LIX1L: variants seen among roughly 807,000 people sequenced by gnomAD.
The protein encoded by LIX1L is LIX1-like protein.
In LIX1L, 20 loss-of-function variants were observed where a neutral mutation model predicts 34.0. The observed-to-expected ratio is 0.59, with a 90% CI of 0.41 to 0.85. The LOEUF (loss-of-function observed/expected upper bound fraction) is 0.85, where lower values mean the gene tolerates loss of function less well. LIX1L is among the 40% of genes least tolerant of loss of function. The probability of loss-of-function intolerance (pLI) is 0.00; values close to 1 mark genes in which losing one functional copy is unlikely to be tolerated. For synonymous variants in LIX1L, 170 were observed against 187.4 expected (o/e 0.91, Z 0.76); for missense variants, 397 against 447.0 (o/e 0.89, Z 1.01).
rs782557773 is a variant in LIX1L, at chr1:145,955,388, T to G, written c.292+2248A>C. On this transcript the variant is annotated intron_variant, in intron 1 of 5. Transcript: ENST00000604000. Reference sequence around the variant, plus strand: ...CATGAGTGAAGGTAGATCTAAAGACTGATTGGAAAAGGTGGATTTGGAGCA... The same window carrying G: ...CATGAGTGAAGGTAGATCTAAAGACGGATTGGAAAAGGTGGATTTGGAGCA... Among the ~76,000 whole-genome samples, 92 of 152,272 alleles carry G rather than the reference T, an allele frequency of 6.0e-4. No individual in the cohort carries two copies. In the Middle Eastern group the frequency reaches 0.01, roughly 17 times the overall value.
intron 3 of LIX1L, among the ~76,000 whole-genome samples, chr1:145,941,493 T>C: frequency 6.6e-6 from 1 of 152,274 alleles, no homozygotes; most frequent in Middle Eastern, 3.4e-3. Context: ...CCTCAGATGA[T>C]CCGCCTGCCT....
chr1:145,950,221 T>C (rs1415736749), intron 1 of LIX1L: 3 of 152,216 alleles, frequency 2.0e-5, no homozygotes, highest in African/African-American at 4.8e-5. Context: ...CAAGATGGGA[T>C]AGACAATTGC....
At chr1:145,939,444 T>G (rs1428463563) in intron 3 of LIX1L, among the ~76,000 whole-genome samples, 1 of 151,776 alleles carries the variant, frequency 6.6e-6, no homozygotes, top group Non-Finnish European at 1.5e-5. Context: ...TAGCTGGGAC[T>G]ACAGGTGTGC....
rs1170753023 is a variant in LIX1L at position 145,936,204 on chromosome 1, T to G, written c.*106A>C. 4.7e-6 allele frequency: 6 copies of G among 1,280,088 alleles called. No individual in the cohort carries two copies. Among genetic ancestry groups the G allele is most frequent in the Non-Finnish European group, 4.2e-6 (4 of 944,740 alleles). 79.3% of individuals were successfully genotyped at this position (1,280,088 alleles called of 1,614,324 possible). On this transcript the variant is annotated 3_prime_UTR_variant, in exon 6 of 6. Transcript: ENST00000604000. ...TAGAATTTATACACATATATATTTT[T>G]TAAAGTATAAAAATGAGAAAGTATG...
chr1:145,937,414 C>T (rs1648701601), intron 4 of LIX1L, 190 bp downstream of exon 4: 2 of 448,028 alleles, frequency 4.5e-6, no homozygotes, highest in Non-Finnish European at 8.1e-6. Flanking sequence ...CCGCCTCAGC[C>T]TCCCAAAGTG....
chr1:145,947,570 A>G, intron 2 of LIX1L, 49 bp downstream of exon 2: 1 of 1,587,026 alleles, frequency 6.3e-7, no homozygotes, highest in Non-Finnish European at 8.6e-7. Flanking sequence ...GAAAGCCGTT[A>G]CTAACATCTA....
chr1:145,957,261 G>C (rs1388770695), intron 1 of LIX1L, among the ~76,000 whole-genome samples: 1 of 152,178 alleles, frequency 6.6e-6, no homozygotes, highest in Non-Finnish European at 1.5e-5. Flanking sequence ...AGAGGGTATG[G>C]ATGAGAAATT....
Position 145,952,615 on chromosome 1 carries a change from C to CT in LIX1L, c.293-4834dup, listed in dbSNP as rs58644653. ...TGATCATTTTCAGCCAAAATAAAAA[C>CT]TTTTTTTTTTTTTTGAGACAAAGTC... is the stretch of plus-strand genomic sequence containing the variant. On this transcript the variant is annotated intron_variant, in intron 1 of 5. Transcript: ENST00000604000. Among the ~76,000 whole-genome samples, 711 of 145,246 alleles carry CT rather than the reference C, an allele frequency of 4.9e-3. 1 individual carries two copies. The highest frequency in any genetic ancestry group is 6.8e-3 in the Non-Finnish European group (446 of 65,358).
In LIX1L at chr1:145,936,265, T is replaced by TA. The variant is rs782285183; in HGVS notation, c.*44dup. On this transcript the variant is annotated 3_prime_UTR_variant, in exon 6 of 6. Transcript: ENST00000604000. ...CATCCTAAATCTTAGAAAGGAGACA[T>TA]AAAAAAAGGCTGTGGAAAGCCTGGG... The TA allele has an allele frequency of 1.9e-5, 31 of 1,590,610 alleles. No homozygotes were observed. Among genetic ancestry groups the TA allele is most frequent in the Admixed American group, 1.9e-4 (11 of 56,450 alleles).
At position 145,936,427 on chromosome 1, in the gene LIX1L, C is replaced by T; in HGVS notation, c.897G>A (p.Glu299=). The T allele has an allele frequency of 6.2e-7, 1 of 1,614,210 alleles. No individual in the cohort carries two copies. The highest frequency in any genetic ancestry group is 8.5e-7 in the Non-Finnish European group (1 of 1,180,052). Residue 299 remains glutamate (E), a synonymous_variant, in exon 6 of 6, where the codon GAG becomes GAA. Coordinates refer to ENST00000604000, the MANE Select transcript of LIX1L (RefSeq NM_153713.3). ...CCAGTCGGGCTTCATCCAGCTCCCG[C>T]TCAGTAGAGGCCAGCTCTCTAGACA... ...GALSRELAST[E]RELDEARLAG...
chr1:145,936,787 G>C lies in LIX1L; in HGVS notation c.771+121C>G, dbSNP rs73006821. ...GGAATGAAGAGGGTACTTAGGTAAG[G>C]CTTTCAATATTCACAACCATAGGTC... On this transcript the variant is annotated intron_variant, in intron 5 of 5. Coordinates refer to ENST00000604000, the MANE Select transcript of LIX1L (RefSeq NM_153713.3). 1,036 of 834,386 alleles carry C rather than the reference G, an allele frequency of 1.2e-3. 7 individuals are homozygous for C. The African/African-American group carries it at 0.015, about 12-fold the overall frequency. 51.7% of individuals were successfully genotyped at this position (834,386 alleles called of 1,614,324 possible).
At position 145,957,816 on chromosome 1, in the gene LIX1L, G is replaced by T; in HGVS notation, c.112C>A (p.Pro38Thr). The change falls in exon 1 of 6, where the codon CCC (proline) becomes ACC (threonine). Residue 38 changes from proline to threonine, a missense_variant. Physicochemically the swap from Pro to Thr is conservative, Grantham distance 38. Around this residue, in one of 3 missense-constraint regions of LIX1L, gnomAD observed 207 missense variants for 205.2 expected, o/e 1.01. Transcript: ENST00000604000. ...VTGAAAATATPPAGPPPAPPP... is the reference protein window; with the variant it reads ...VTGAAAATATTPAGPPPAPPP... ...GGGGCAGGCGGGGGGCCCGCAGGGG[G>T]TGTGGCGGTGGCGGCCGCGGCCCCA... 2 of 1,391,998 alleles carry T rather than the reference G, an allele frequency of 1.4e-6. No homozygotes were observed. The highest frequency in any genetic ancestry group is 1.9e-6 in the Non-Finnish European group (2 of 1,074,926). The allele number at this position is 1,391,998 out of a possible 1,614,324, so 86.2% of individuals were successfully genotyped here.
chr1:145,937,712 G>A lies in LIX1L; in HGVS notation c.598-13C>T, dbSNP rs1570959839. ...CCTCCCTGTTGCCCTGGTAGTAGAG[G>A]AACAGAAAAGACAAATAGATTTTCA... On this transcript the variant is annotated splice_polypyrimidine_tract_variant and intron_variant, in intron 3 of 5. Transcript: ENST00000604000. The A allele has an allele frequency of 2.7e-6, 4 of 1,475,864 alleles. No individual in the cohort carries two copies. The highest frequency in any genetic ancestry group is 3.8e-6 in the Non-Finnish European group (4 of 1,054,178). The allele number at this position is 1,475,864 out of a possible 1,614,324, so 91.4% of individuals were successfully genotyped here.
rs1648673904 is a variant in LIX1L, at chr1:145,937,003, G to A, written c.694-18C>T. 3.2e-6 allele frequency: 5 copies of A among 1,549,546 alleles called. No individual in the cohort carries two copies. Among genetic ancestry groups the A allele is most frequent in the Non-Finnish European group, 4.5e-6 (5 of 1,121,130 alleles). On this transcript the variant is annotated intron_variant, in intron 4 of 5. Transcript: ENST00000604000. ...ATTAGCTCCTGGGGGAAGAGGATAG[G>A]AAGTACCAGGACAGTGATTTTTATA... is the stretch of plus-strand genomic sequence containing the variant.
Position 145,957,794 on chromosome 1 carries a change from G to A in LIX1L, c.134C>T (p.Ala45Val). The A allele has an allele frequency of 7.4e-7, 1 of 1,344,594 alleles. No individual in the cohort carries two copies. The highest frequency in any genetic ancestry group is 1.9e-5 in the South Asian group (1 of 51,858). The allele number at this position is 1,344,594 out of a possible 1,614,324, so 83.3% of individuals were successfully genotyped here. ...CGGGGGCGGTGCGGGAGGCGGCGGG[G>A]CAGGCGGGGGGCCCGCAGGGGGTGT... ...TATPPAGPPP[A>V]PPPPAPPPPP... The change falls in exon 1 of 6, where the codon GCC (alanine) becomes GTC (valine). Residue 45 changes from alanine to valine, a missense_variant. Coordinates refer to ENST00000604000, the MANE Select transcript of LIX1L (RefSeq NM_153713.3).
chr1:145,938,709 T>C (rs1301648204), intron 3 of LIX1L, among the ~76,000 whole-genome samples: 3 of 152,020 alleles, frequency 2.0e-5, no homozygotes, highest in African/African-American at 7.2e-5. Flanking sequence ...TGCCTCAGCC[T>C]GCAGAGTAGC....
rs1263294859 is a variant in LIX1L, at chr1:145,957,995, A to C, written c.-68T>G. ...CCGAGCTAACGGTCCCAACCACCCC[A>C]GTCAGCTAGCGCCTGGGGACTCAGG... is the stretch of plus-strand genomic sequence containing the variant. On this transcript the variant is annotated 5_prime_UTR_variant, in exon 1 of 6. Transcript: ENST00000604000. The C allele has an allele frequency of 2.0e-5, 23 of 1,153,320 alleles. No homozygotes were observed. The highest frequency in any genetic ancestry group is 2.4e-5 in the Non-Finnish European group (21 of 875,012). 71.4% of individuals were successfully genotyped at this position (1,153,320 alleles called of 1,614,324 possible). A position where few individuals can be genotyped will look rare whatever the true frequency, so the allele number is the denominator to read the frequency against.
Position 145,942,865 on chromosome 1 carries a change from A to ATTT in LIX1L, c.457-13_457-12insAAA. On this transcript the variant is annotated splice_polypyrimidine_tract_variant and intron_variant, in intron 2 of 5. Coordinates refer to ENST00000604000, the MANE Select transcript of LIX1L (RefSeq NM_153713.3). ...TTTGTGGGGCAAAACTAGGCAGGGG[A>ATTT]GAAAGAGTGAGAATATGTGTATTTG... 3 of 1,613,490 alleles carry ATTT rather than the reference A, an allele frequency of 1.9e-6. No homozygotes were observed. The highest frequency in any genetic ancestry group is 2.5e-6 in the Non-Finnish European group (3 of 1,179,550).
chr1:145,957,020 G>C (rs1490034076), intron 1 of LIX1L, among the ~76,000 whole-genome samples: 2 of 152,210 alleles, frequency 1.3e-5, no homozygotes, highest in Non-Finnish European at 2.9e-5. Flanking sequence ...CCAAAGTAAG[G>C]TACTGAGCCA....
Sources: allele counts gnomAD v4.1 joint callset (sites outside exome capture counted in the v4.1 genomes callset), GRCh38; gene constraint gnomAD v4.1.1; regional missense constraint gnomAD v4.1.1; transcripts MANE v1.5; gene names NCBI Gene and HGNC (gene_info 2026-07-23, HGNC 2026-07-21).